FAM153A: variants seen among roughly 807,000 people sequenced by gnomAD.
FAM153A encodes the protein family with sequence similarity 153 member A.
Under a neutral mutation model 48.1 loss-of-function variants are expected in FAM153A, and 12 were observed. The observed-to-expected ratio is 0.25, with a 90% CI of 0.16 to 0.40. The LOEUF is 0.40. Among genes scored for constraint, FAM153A ranks in the 10% least tolerant of loss-of-function variants. The pLI, the probability that FAM153A is intolerant of heterozygous loss-of-function variation, is 1.00. For missense variants in FAM153A, 111 were observed against 345.8 expected, an observed-to-expected ratio of 0.32 and a Z score of 5.38; for synonymous variants, 36 against 118.2, an observed-to-expected ratio of 0.30 and a Z score of 4.51.
upstream of FAM153A, among the ~76,000 whole-genome samples, chr5:177,756,285 A>G (rs1481272196): frequency 2.0e-5 from 3 of 149,178 alleles, no homozygotes; most frequent in Non-Finnish European, 4.4e-5. Context: ...AGAACAGCTA[A>G]CTAACCTAAA....
At chr5:177,741,301 C>T (rs746030838) in exon 7 of FAM153A, 2 of 695,888 alleles carry the variant, frequency 2.9e-6, no homozygotes, top group South Asian at 2.3e-5. Flanking sequence ...CGGGTGGACA[C>T]AATGGCTTGC....
intron 6 of FAM153A, among the ~76,000 whole-genome samples, chr5:177,743,194 TTTTTTTGTTTTG>T (rs1341403855): frequency 8.1e-5 from 4 of 49,256 alleles, no homozygotes; most frequent in East Asian, 1.0e-3. Flanking sequence ...TCACTTGTTT[TTTTTTTGTTTTG>T]TTTTTTTTTT....
the FAM153A span, among the ~76,000 whole-genome samples, chr5:177,700,289 A>C: frequency 2.0e-5 from 3 of 152,082 alleles, no homozygotes; most frequent in South Asian, 6.2e-4. Flanking sequence ...GAACAAATAC[A>C]AGGATGTTCA....
chr5:177,719,443 GAGAGAGAGAA>G (rs1441161984), downstream of FAM153A, among the ~76,000 whole-genome samples: 1 of 150,554 alleles, frequency 6.6e-6, no homozygotes, highest in Non-Finnish European at 1.5e-5. Flanking sequence ...AAAGGGAGGA[GAGAGAGAGAA>G]AGAGAGAAAA....
chr5:177,696,092 T>C, the FAM153A span, among the ~76,000 whole-genome samples: 2 of 123,534 alleles, frequency 1.6e-5, no homozygotes, highest in Non-Finnish European at 3.3e-5. Context: ...GAGGCGCTCC[T>C]CACTTCCCAG....
intron 13 of FAM153A, 105 bp downstream of exon 15, chr5:177,734,758 G>A: frequency 6.2e-7 from 1 of 1,601,320 alleles, no homozygotes; most frequent in Non-Finnish European, 8.5e-7. Flanking sequence ...AGGACACTGT[G>A]TAACTAAGAT....
chr5:177,716,964 A>AGTGTGTGTGTGTGTGTGTGTGTGT (rs59312087), intron 24 of FAM153A, among the ~76,000 whole-genome samples: 46 of 127,726 alleles, frequency 3.6e-4, no homozygotes, highest in East Asian at 1.2e-3. Context: ...ATTCCCGCTT[A>AGTGTGTGTGTGTGTGTGTGTGTGT]GTGTGTGTGT....
At position 177,731,579 on chromosome 5, in the gene FAM153A, C is replaced by T. The variant is rs751108790; in HGVS notation, c.852G>A (p.Thr284=). 4.3e-5 allele frequency: 47 copies of T among 1,097,992 alleles called. 14 individuals carry two copies. The Admixed American group carries it at 4.5e-4, about 11-fold the overall frequency. The allele number at this position is 1,097,992 out of a possible 1,614,324, so 68.0% of individuals were successfully genotyped here. The change falls in exon 16 of 21, where the codon ACG becomes ACA. Residue 284 remains threonine (T), a synonymous_variant. Transcript: ENST00000614127. ...TCCCAGAATACGTACTCTTTGCCAG[C>T]GTGGCTGGGTCCACCTGCATCTAGA... is the stretch of plus-strand genomic sequence containing the variant.
chr5:177,709,693 C>A (rs1359548283), downstream of FAM153A, among the ~76,000 whole-genome samples: 3 of 127,832 alleles, frequency 2.3e-5, no homozygotes, highest in Admixed American at 1.6e-4. Context: ...TTTTTTTGAC[C>A]AAGTTTTGCT....
At chr5:177,705,893 C>T (rs367753557), downstream of FAM153A, among the ~76,000 whole-genome samples, 21 of 151,524 alleles carry the variant, frequency 1.4e-4, no homozygotes, top group East Asian at 5.8e-4. Context: ...CTCCTGACCT[C>T]GTGATCTGCC....
At chr5:177,734,820 A>G in intron 13 of FAM153A, 43 bp downstream of exon 15, 1 of 1,596,080 alleles carries the variant, frequency 6.3e-7, no homozygotes, top group Non-Finnish European at 8.5e-7. Context: ...GATAAAGCTA[A>G]GAAAGCAACA....
In FAM153A at chr5:177,739,198, C is replaced by A. The variant is rs143801537; in HGVS notation, c.538-61G>T. 5,890 of 1,547,168 alleles carry A rather than the reference C, an allele frequency of 3.8e-3. 334 individuals are homozygous for A. The African/African-American group carries it at 0.075, about 20-fold the overall frequency. On this transcript the variant is annotated intron_variant, in intron 9 of 20. Transcript: ENST00000614127. Reference sequence around the variant, plus strand: ...GATCATGCTGTCTCTGTGCACAGGTCTTTTCTAAACTTGGTGCTATTAGAA... The same window carrying A: ...GATCATGCTGTCTCTGTGCACAGGTATTTTCTAAACTTGGTGCTATTAGAA...
downstream of FAM153A, chr5:177,707,973 C>G (rs886570632): frequency 1.3e-5 from 2 of 151,826 alleles, no homozygotes; most frequent in African/African-American, 4.9e-5. Context: ...AACTACAGCC[C>G]AACTACATTT....
chr5:177,701,797 G>A, the FAM153A span, among the ~76,000 whole-genome samples: 1 of 151,970 alleles, frequency 6.6e-6, no homozygotes, highest in East Asian at 1.9e-4. Context: ...GAACTTCTTA[G>A]AGACTGGTTG....
At chr5:177,747,508 T>C (rs1766201925) in intron 4 of FAM153A, 2 of 485,282 alleles carry the variant, frequency 4.1e-6, no homozygotes, top group Non-Finnish European at 7.3e-6. Flanking sequence ...TCATTCCACA[T>C]TGAGTCATTC....
At position 177,767,396 on chromosome 5, in the gene FAM153A, C is replaced by CAG. The variant is rs1264463242; in HGVS notation, c.-57+13051_-57+13052dup. Among the ~76,000 whole-genome samples, 3 of 87,672 alleles carry CAG rather than the reference C, an allele frequency of 3.4e-5. 1 individual carries two copies. The highest frequency in any genetic ancestry group is 7.0e-5 in the Non-Finnish European group (3 of 43,114). The allele number at this position is 87,672 out of a possible 152,430, so 57.5% of individuals were successfully genotyped here. Reference sequence around the variant, plus strand: ...GTTATGCACACTTGTGTGCAGACTTCAGACCATGTTTTTTTCTTTTCTTTT... The same window carrying CAG: ...GTTATGCACACTTGTGTGCAGACTTCAGAGACCATGTTTTTTTCTTTTCTTTT... On this transcript the variant is annotated intron_variant, in intron 1 of 8. Coordinates refer to the FAM153A transcript ENST00000393518.
chr5:177,708,446 A>G (rs548278667), downstream of FAM153A, among the ~76,000 whole-genome samples: 13 of 151,978 alleles, frequency 8.6e-5, no homozygotes, highest in South Asian at 1.0e-3. Flanking sequence ...GCGTGGTGGC[A>G]CATGCCTGTA....
upstream of FAM153A, chr5:177,781,467 T>C (rs576832208): frequency 3.7e-5 from 4 of 107,972 alleles, no homozygotes; most frequent in Middle Eastern, 4.7e-3. Context: ...ACAGTAGGTG[T>C]CATGCAAAAA....
At chr5:177,746,435 A>G (rs1288347936) in intron 4 of FAM153A, among the ~76,000 whole-genome samples, 1 of 148,828 alleles carries the variant, frequency 6.7e-6, no homozygotes, top group Non-Finnish European at 1.5e-5. Flanking sequence ...CTGGGATTAC[A>G]GGCATGAGCC....
Sources: allele counts gnomAD v4.1 joint callset (sites outside exome capture counted in the v4.1 genomes callset), GRCh38; gene constraint gnomAD v4.1.1; transcripts MANE v1.5; gene names NCBI Gene and HGNC (gene_info 2026-07-23, HGNC 2026-07-21).